The following ARRB1 variants were observed in gnomAD, a reference collection of about 807,000 sequenced individuals.
The protein encoded by ARRB1 is beta-arrestin-1.
In ARRB1, 21 loss-of-function variants were observed where a neutral mutation model predicts 56.8. That is an observed-to-expected ratio of 0.37 (90% confidence interval 0.26 to 0.53). ARRB1 has a LOEUF of 0.53. ARRB1 is among the 20% of genes least tolerant of loss of function. The pLI is 0.88. For synonymous variants in ARRB1, 210 were observed against 218.6 expected (o/e 0.96, Z 0.35); for missense variants, 424 against 553.7 (o/e 0.77, Z 2.35).
chr11:75,339,853 G>A (rs761744907), intron 1 of ARRB1, among the ~76,000 whole-genome samples: 2 of 152,178 alleles, frequency 1.3e-5, no homozygotes, highest in Admixed American at 6.5e-5. Flanking sequence ...GGAGGGCAGC[G>A]ATGGCCTAAC....
intron 3 of ARRB1, 131 bp downstream of exon 3, chr11:75,287,184 G>T (rs902671557): frequency 1.6e-5 from 14 of 890,566 alleles, no homozygotes; most frequent in African/African-American, 3.4e-5. Context: ...GTAAATGCTT[G>T]CTGCCTGAAG....
intron 1 of ARRB1, among the ~76,000 whole-genome samples, chr11:75,297,708 T>C (rs748638582): frequency 1.1e-4 from 17 of 151,210 alleles, no homozygotes; most frequent in Non-Finnish European, 2.5e-4. Flanking sequence ...CTACTAAAAA[T>C]ACAAACATTA....
At chr11:75,277,884 C>A (rs1946235289) in intron 8 of ARRB1, among the ~76,000 whole-genome samples, 1 of 152,192 alleles carries the variant, frequency 6.6e-6, no homozygotes, top group South Asian at 2.1e-4. Flanking sequence ...AGCAGTGTGA[C>A]CGTGGGTAGG....
chr11:75,287,353 C>A lies in ARRB1; in HGVS notation c.74G>T (p.Arg25Leu). 1 of 1,561,134 alleles carries A rather than the reference C, an allele frequency of 6.4e-7. No individual in the cohort carries two copies. Residue 25 changes from arginine to leucine, a missense_variant, in exon 3 of 16, where the codon CGG becomes CTG. Coordinates refer to ENST00000420843, the MANE Select transcript of ARRB1 (RefSeq NM_004041.5). ...GAGGTCGATGTGGTCCACAAAGTCC[C>A]GCTTTCCCAGGTAGACGGTGAGCTG... Reference protein sequence around the residue: ...NGKLTVYLGKRDFVDHIDLVD... With the variant: ...NGKLTVYLGKLDFVDHIDLVD...
chr11:75,298,917 ATTAACATAATGTTAATTATGTTAAT>A (rs1565125240), intron 1 of ARRB1, among the ~76,000 whole-genome samples: 1 of 149,014 alleles, frequency 6.7e-6, no homozygotes, highest in East Asian at 1.9e-4. Flanking sequence ...TGTTAAGTAA[ATTAACATAATGTTAATTATGTTAAT>A]TTAACATAAT....
rs1232165238 is a variant in ARRB1 at position 75,272,970 on chromosome 11, T to C, written c.923A>G (p.Glu308Gly). 1 of 1,613,928 alleles carries C rather than the reference T, an allele frequency of 6.2e-7. No individual in the cohort carries two copies. Among genetic ancestry groups the C allele is most frequent in the Non-Finnish European group, 8.5e-7 (1 of 1,179,920 alleles). Residue 308 changes from glutamate to glycine, a missense_variant, in exon 12 of 16, where the codon GAA (glutamate) becomes GGA (glycine). Around this residue, in one of 3 missense-constraint regions of ARRB1, gnomAD observed 121 missense variants for 147.3 expected, o/e 0.82. Coordinates refer to ENST00000420843, the MANE Select transcript of ARRB1 (RefSeq NM_004041.5). ...TNLASSTLLR[E>G]GANREILGII... ...CCCCAGGATCTCACGGTTGGCACCT[T>C]CCCTCAACCTGCAAAGTGACACAGG...
intron 15 of ARRB1, among the ~76,000 whole-genome samples, chr11:75,267,383 G>A (rs1437657308): frequency 6.6e-6 from 1 of 152,212 alleles, no homozygotes; most frequent in African/African-American, 2.4e-5. Flanking sequence ...AGGCGCTGTG[G>A]ATGGACGAAC....
intron 12 of ARRB1, 51 bp downstream of exon 12, chr11:75,272,844 G>A: frequency 6.3e-7 from 1 of 1,593,932 alleles, no homozygotes; most frequent in Non-Finnish European, 8.6e-7. Flanking sequence ...GTGGGCACCT[G>A]GGACGCTCCC....
chr11:75,309,649 T>G (rs12365936), intron 1 of ARRB1, among the ~76,000 whole-genome samples: 1 of 151,912 alleles, frequency 6.6e-6, no homozygotes, highest in African/African-American at 2.4e-5. Context: ...GGAGGCTAGG[T>G]AGGTGGGAGG....
At chr11:75,314,897 A>T (rs374910792) in intron 1 of ARRB1, among the ~76,000 whole-genome samples, 1 of 152,094 alleles carries the variant, frequency 6.6e-6, no homozygotes, top group South Asian at 2.1e-4. Flanking sequence ...GTGAGCCACC[A>T]CGCCCAGCCA....
chr11:75,337,786 CTTTTTTTTTTT>C (rs71036046), intron 1 of ARRB1, among the ~76,000 whole-genome samples: 45 of 38,486 alleles, frequency 1.2e-3, no homozygotes, highest in African/African-American at 4.7e-3. Flanking sequence ...ATTGAAATGT[CTTTTTTTTTTT>C]TTTTTTTTTT....
intron 1 of ARRB1, among the ~76,000 whole-genome samples, chr11:75,297,926 C>T (rs933609704): frequency 8.8e-6 from 1 of 113,226 alleles, no homozygotes. Context: ...GTAAAAGCTG[C>T]AGCTATAAAA....
Position 75,263,436 on chromosome 11 carries a change from C to A in ARRB1, c.*2727G>T, listed in dbSNP as rs139604424. Among the ~76,000 whole-genome samples the A allele has an allele frequency of 8.5e-4, 130 of 152,378 alleles. No homozygotes were observed. The highest frequency in any genetic ancestry group is 2.6e-3 in the African/African-American group (107 of 41,594). On this transcript the variant is annotated 3_prime_UTR_variant, in exon 16 of 16. Coordinates refer to ENST00000420843, the MANE Select transcript of ARRB1 (RefSeq NM_004041.5). ...GGGGCAAGGGGTGCTAAAATCCAAC[C>A]TGTGTGTCACTCCCAAAGCTGTGCG...
intron 1 of ARRB1, among the ~76,000 whole-genome samples, chr11:75,313,748 C>G (rs1214765681): frequency 1.3e-5 from 2 of 152,188 alleles, no homozygotes; most frequent in African/African-American, 4.8e-5. Flanking sequence ...TTCCTTATCC[C>G]TCTGCATTAC....
At chr11:75,319,282 T>C (rs928942443) in intron 1 of ARRB1, among the ~76,000 whole-genome samples, 7 of 152,106 alleles carry the variant, frequency 4.6e-5, no homozygotes, top group African/African-American at 1.7e-4. Flanking sequence ...ATCCTCCCCT[T>C]CCACTGCCTG....
chr11:75,272,875 G>T lies in ARRB1; in HGVS notation c.998+20C>A. ...CTCCCCTCTGCACTCCGGGGTCTTG[G>T]GCTTGGCTGGAGCACTCACCCGCCC... On this transcript the variant is annotated intron_variant, in intron 12 of 15. Coordinates refer to ENST00000420843, the MANE Select transcript of ARRB1 (RefSeq NM_004041.5). 1 of 1,613,626 alleles carries T rather than the reference G, an allele frequency of 6.2e-7. No homozygotes were observed. The highest frequency in any genetic ancestry group is 8.5e-7 in the Non-Finnish European group (1 of 1,179,736).
At chr11:75,285,413 C>T (rs1946446516) in intron 3 of ARRB1, among the ~76,000 whole-genome samples, 1 of 152,222 alleles carries the variant, frequency 6.6e-6, no homozygotes, top group Admixed American at 6.5e-5. Context: ...TGGCTGACAT[C>T]CCCTGTCTAT....
At chr11:75,298,856 T>C (rs1411353795) in intron 1 of ARRB1, among the ~76,000 whole-genome samples, 1 of 151,858 alleles carries the variant, frequency 6.6e-6, no homozygotes, top group Non-Finnish European at 1.5e-5. Context: ...AGGCATAAAA[T>C]GGGATGAAGT....
At chr11:75,285,709 A>C (rs1318105371) in intron 3 of ARRB1, among the ~76,000 whole-genome samples, 1 of 152,070 alleles carries the variant, frequency 6.6e-6, no homozygotes, top group Non-Finnish European at 1.5e-5. Context: ...AGGGCTCACA[A>C]GGGGCCTGGC....
Sources: gnomAD v4.1 joint callset for allele counts (sites outside exome capture counted in the v4.1 genomes callset) on GRCh38, gnomAD v4.1.1 for gene constraint, gnomAD v4.1.1 regional missense constraint, MANE v1.5 for transcripts, NCBI Gene and HGNC (gene_info 2026-07-23, HGNC 2026-07-21) for gene names.